The following FAM117B variants were observed in gnomAD, a reference collection of about 807,000 sequenced individuals.
FAM117B encodes protein FAM117B.
In FAM117B, 22 loss-of-function variants were observed where a neutral mutation model predicts 52.8. That is an observed-to-expected ratio of 0.42 (90% CI 0.30 to 0.59). The LOEUF (loss-of-function observed/expected upper bound fraction) is 0.59, where lower values mean the gene tolerates loss of function less well. Ranked by LOEUF, FAM117B falls within the 20% of genes least tolerant of loss-of-function variation. The pLI, the probability that FAM117B is intolerant of heterozygous loss-of-function variation, is 0.22. For synonymous variants in FAM117B, 309 were observed against 324.1 expected (o/e 0.95, Z 0.50); for missense variants, 678 against 802.6 (o/e 0.84, Z 1.88).
intron 1 of FAM117B, among the ~76,000 whole-genome samples, chr2:202,663,320 ATAT>A (rs1350343963): frequency 2.4e-4 from 36 of 152,306 alleles, no homozygotes; most frequent in African/African-American, 8.2e-4. Context: ...TGTGCTGAAG[ATAT>A]TATGCTATGT....
At chr2:202,705,844 T>C (rs1053877202) in intron 2 of FAM117B, among the ~76,000 whole-genome samples, 3 of 152,220 alleles carry the variant, frequency 2.0e-5, no homozygotes, top group African/African-American at 7.2e-5. Context: ...GGAGAGAAAC[T>C]GTAGTGTGTA....
At chr2:202,683,819 A>G (rs1690497832) in intron 1 of FAM117B, among the ~76,000 whole-genome samples, 1 of 152,214 alleles carries the variant, frequency 6.6e-6, no homozygotes, top group Admixed American at 6.5e-5. Context: ...GTATTATTCC[A>G]ATACCAAAGC....
intron 4 of FAM117B, among the ~76,000 whole-genome samples, chr2:202,753,512 A>G (rs1450706339): frequency 6.6e-6 from 1 of 152,230 alleles, no homozygotes; most frequent in African/African-American, 2.4e-5. Context: ...AAATTGACAA[A>G]TGGGATCTAA....
At chr2:202,684,713 G>A (rs1427224482) in intron 1 of FAM117B, among the ~76,000 whole-genome samples, 6 of 152,094 alleles carry the variant, frequency 3.9e-5, no homozygotes, top group Admixed American at 3.3e-4. Context: ...TGAGTTTAAT[G>A]TTAATGAACC....
chr2:202,660,887 G>A (rs1690118140), intron 1 of FAM117B, among the ~76,000 whole-genome samples: 1 of 152,246 alleles, frequency 6.6e-6, no homozygotes, highest in Non-Finnish European at 1.5e-5. Context: ...GTGCAGTTTT[G>A]TGACCAGTAC....
chr2:202,733,789 CAT>C (rs1250107224), intron 4 of FAM117B, among the ~76,000 whole-genome samples: 2 of 152,162 alleles, frequency 1.3e-5, no homozygotes, highest in Non-Finnish European at 2.9e-5. Flanking sequence ...TTCAAACACA[CAT>C]GTTGTACAAT....
At chr2:202,719,683 T>G (rs973126797) in intron 2 of FAM117B, among the ~76,000 whole-genome samples, 4 of 152,198 alleles carry the variant, frequency 2.6e-5, no homozygotes, top group Non-Finnish European at 5.9e-5. Context: ...ATGGTTTATA[T>G]TCCAAATTTT....
intron 5 of FAM117B, 121 bp downstream of exon 5, chr2:202,755,802 CTT>C (rs1661694951): frequency 5.8e-6 from 6 of 1,028,742 alleles, no homozygotes; most frequent in African/African-American, 3.2e-5. Context: ...AAATTTATCT[CTT>C]TTGAAAAATC....
intron 1 of FAM117B, among the ~76,000 whole-genome samples, chr2:202,649,939 C>A (rs976792421): frequency 6.6e-6 from 1 of 152,106 alleles, no homozygotes. Context: ...GCGATCTCAG[C>A]TCACTGGAAC....
chr2:202,763,553 G>C (rs1691931594), intron 7 of FAM117B, among the ~76,000 whole-genome samples: 1 of 151,986 alleles, frequency 6.6e-6, no homozygotes, highest in Non-Finnish European at 1.5e-5. Flanking sequence ...ATTTAATTAT[G>C]GAAACATAAC....
At chr2:202,707,477 G>A (rs2105780885) in intron 2 of FAM117B, among the ~76,000 whole-genome samples, 1 of 151,882 alleles carries the variant, frequency 6.6e-6, no homozygotes, top group African/African-American at 2.4e-5. Context: ...GCCACGGTGG[G>A]TAGATCACTT....
chr2:202,653,589 C>A (rs913004224), intron 1 of FAM117B, among the ~76,000 whole-genome samples: 2 of 152,132 alleles, frequency 1.3e-5, no homozygotes, highest in African/African-American at 4.8e-5. Flanking sequence ...ATTTTCTTGT[C>A]TATCACTGGA....
At chr2:202,746,217 A>C (rs11676950) in intron 4 of FAM117B, among the ~76,000 whole-genome samples, 26,643 of 152,050 alleles carry the variant, frequency 0.18, 3,017 homozygotes, top group South Asian at 0.38. Context: ...TATCTCAACA[A>C]ATTTTTAAAT....
At position 202,769,171 on chromosome 2, in the gene FAM117B, A is replaced by G. The variant is rs922479066; in HGVS notation, c.*3407A>G. ...TGCTAACTGTGGAATATTTGACGAC[A>G]TGAAAGTCCTTTTTCTTTGCTTTCA... On this transcript the variant is annotated 3_prime_UTR_variant, in exon 8 of 8. Coordinates refer to ENST00000392238, the MANE Select transcript of FAM117B (RefSeq NM_173511.4). The G allele has an allele frequency of 6.6e-6, 1 of 152,244 alleles. No homozygotes were observed. The highest frequency in any genetic ancestry group is 2.4e-5 in the African/African-American group (1 of 41,474). 9.4% of individuals were successfully genotyped at this position (152,244 alleles called of 1,614,324 possible).
At chr2:202,690,104 T>G (rs1282962043) in intron 1 of FAM117B, among the ~76,000 whole-genome samples, 1 of 152,186 alleles carries the variant, frequency 6.6e-6, no homozygotes, top group Non-Finnish European at 1.5e-5. Context: ...CAGGTACTCA[T>G]AGTTGGGGAA....
In FAM117B at chr2:202,766,061, A is replaced by AACACAC. The variant is rs34556556; in HGVS notation, c.*338_*343dup. 0.011 allele frequency: 2,220 copies of AACACAC among 203,056 alleles called. 31 individuals are homozygous for AACACAC. Among genetic ancestry groups the AACACAC allele is most frequent in the East Asian group, 0.015 (107 of 6,968 alleles). 12.6% of individuals were successfully genotyped at this position (203,056 alleles called of 1,614,324 possible). On this transcript the variant is annotated 3_prime_UTR_variant, in exon 8 of 8. Coordinates refer to ENST00000392238, the MANE Select transcript of FAM117B (RefSeq NM_173511.4). ...TTGTTTTCGAATTAGACTTCTTTAA[A>AACACAC]ACACACACACACACACACACACACA...
intron 7 of FAM117B, among the ~76,000 whole-genome samples, chr2:202,760,419 G>A (rs968573342): frequency 7.2e-5 from 11 of 152,188 alleles, no homozygotes; most frequent in South Asian, 6.2e-4. Context: ...TCCTTTCACC[G>A]AATTCCACAA....
At chr2:202,764,498 G>A (rs1168841209) in intron 7 of FAM117B, among the ~76,000 whole-genome samples, 4 of 151,932 alleles carry the variant, frequency 2.6e-5, no homozygotes, top group Non-Finnish European at 5.9e-5. Flanking sequence ...TGGAACTCCT[G>A]GGTTCAAGTA....
At position 202,767,638 on chromosome 2, in the gene FAM117B, C is replaced by T. The variant is rs745398856; in HGVS notation, c.*1874C>T. 9 of 152,078 alleles carry T rather than the reference C, an allele frequency of 5.9e-5. No homozygotes were observed. Among genetic ancestry groups the T allele is most frequent in the Non-Finnish European group, 8.8e-5 (6 of 68,014 alleles). 9.4% of individuals were successfully genotyped at this position (152,078 alleles called of 1,614,324 possible). On this transcript the variant is annotated 3_prime_UTR_variant, in exon 8 of 8. Transcript: ENST00000392238. Reference sequence around the variant, plus strand: ...GATGCAGTTTAGAAGGTTAATATGTCAGCTTACCCAGACATATTCTATCAA... The same window carrying T: ...GATGCAGTTTAGAAGGTTAATATGTTAGCTTACCCAGACATATTCTATCAA...
Sources: allele counts gnomAD v4.1 joint callset (sites outside exome capture counted in the v4.1 genomes callset), GRCh38; gene constraint gnomAD v4.1.1; transcripts MANE v1.5; gene names NCBI Gene and HGNC (gene_info 2026-07-23, HGNC 2026-07-21).